PTPRN2: variants seen among roughly 807,000 people sequenced by gnomAD.
PTPRN2 encodes protein tyrosine phosphatase receptor type N2.
In PTPRN2, 74 loss-of-function variants were observed where a neutral mutation model predicts 118.8. That is an observed-to-expected ratio of 0.62 (90% CI 0.52 to 0.76). PTPRN2 has a LOEUF of 0.76. PTPRN2 is among the 30% of genes least tolerant of loss of function. The pLI is 0.00. For synonymous variants in PTPRN2, 641 were observed against 608.0 expected (o/e 1.05, Z -0.80); for missense variants, 1,481 against 1,394.4 (o/e 1.06, Z -0.99).
At chr7:158,071,305 A>T (rs1226156250) in intron 11 of PTPRN2, among the ~76,000 whole-genome samples, 3 of 82,956 alleles carry the variant, frequency 3.6e-5, no homozygotes, top group African/African-American at 5.4e-5. Flanking sequence ...CTCGTGGTGG[A>T]GGTGCCCATG....
intron 3 of PTPRN2, among the ~76,000 whole-genome samples, chr7:158,224,925 G>A (rs1341018434): frequency 6.6e-6 from 1 of 152,034 alleles, no homozygotes; most frequent in Non-Finnish European, 1.5e-5. Context: ...AAGACATTTC[G>A]ACAAAGAGGA....
intron 3 of PTPRN2, among the ~76,000 whole-genome samples, chr7:158,304,795 A>G (rs976233656): frequency 4.6e-5 from 7 of 152,184 alleles, no homozygotes; most frequent in Non-Finnish European, 8.8e-5. Context: ...TGCAGGCTTC[A>G]GAGAGAATAG....
At chr7:157,595,399 G>A (rs1801239568) in intron 16 of PTPRN2, 84 bp from the exon 17 acceptor site, 6 of 1,292,126 alleles carry the variant, frequency 4.6e-6, no homozygotes, top group Non-Finnish European at 6.6e-6. Flanking sequence ...TAGGAAGCCA[G>A]AAGGTTAGGA....
chr7:158,482,036 A>C (rs1416609246), intron 2 of PTPRN2, among the ~76,000 whole-genome samples: 1 of 152,222 alleles, frequency 6.6e-6, no homozygotes, highest in Non-Finnish European at 1.5e-5. Context: ...CAGCAAGGGA[A>C]CCAGCATTAG....
intron 2 of PTPRN2, among the ~76,000 whole-genome samples, chr7:158,474,864 G>A (rs1332969183): frequency 6.6e-6 from 1 of 152,216 alleles, no homozygotes; most frequent in African/African-American, 2.4e-5. Flanking sequence ...GCCGGGTGAT[G>A]CCACGGGGTG....
chr7:158,236,781 A>C, intron 3 of PTPRN2, among the ~76,000 whole-genome samples: 1 of 61,494 alleles, frequency 1.6e-5, no homozygotes, highest in Admixed American at 1.8e-4. Flanking sequence ...TCCCTGCCCG[A>C]CCACTCTGCT....
chr7:158,415,174 C>A (rs1563265108), intron 2 of PTPRN2, among the ~76,000 whole-genome samples: 1 of 152,228 alleles, frequency 6.6e-6, no homozygotes, highest in Non-Finnish European at 1.5e-5. Flanking sequence ...AACCACACCT[C>A]AACTCCCTGC....
At chr7:157,918,254 G>C (rs1167351266) in intron 11 of PTPRN2, among the ~76,000 whole-genome samples, 2 of 152,196 alleles carry the variant, frequency 1.3e-5, no homozygotes, top group Non-Finnish European at 2.9e-5. Flanking sequence ...TCTAAGACAA[G>C]GAAATTAGTA....
rs549464042 is a variant in PTPRN2, at chr7:158,141,836, A to C, written c.911-3321T>G. Among the ~76,000 whole-genome samples, 4 of 152,306 alleles carry C rather than the reference A, an allele frequency of 2.6e-5. No homozygotes were observed. The South Asian group carries it at 6.2e-4, about 24-fold the overall frequency. Reference sequence around the variant, plus strand: ...CCATGACAGGCATTTCTGAGACAGCATTATGTGTAGTTTAGCATGGGATGA... The same window carrying C: ...CCATGACAGGCATTTCTGAGACAGCCTTATGTGTAGTTTAGCATGGGATGA... On this transcript the variant is annotated intron_variant, in intron 6 of 22. Coordinates refer to ENST00000389418, the MANE Select transcript of PTPRN2 (RefSeq NM_002847.5).
intron 11 of PTPRN2, among the ~76,000 whole-genome samples, chr7:158,013,010 G>A (rs1256849421): frequency 2.0e-5 from 3 of 152,218 alleles, no homozygotes; most frequent in African/African-American, 7.2e-5. Flanking sequence ...AAAAGTTCAT[G>A]TGCCCATCCT....
chr7:157,707,737 T>C (rs1798406034), intron 12 of PTPRN2, among the ~76,000 whole-genome samples: 1 of 152,148 alleles, frequency 6.6e-6, no homozygotes, highest in Non-Finnish European at 1.5e-5. Context: ...ACAGTTGGGA[T>C]TACAGGCACG....
intron 3 of PTPRN2, among the ~76,000 whole-genome samples, chr7:158,257,115 C>T (rs540810924): frequency 3.3e-5 from 5 of 152,226 alleles, no homozygotes; most frequent in East Asian, 1.9e-4. Context: ...ATGAGGGACC[C>T]GGACAACCAG....
At chr7:158,441,708 T>G (rs1400370044) in intron 2 of PTPRN2, among the ~76,000 whole-genome samples, 1 of 147,078 alleles carries the variant, frequency 6.8e-6, no homozygotes, top group Non-Finnish European at 1.5e-5. Context: ...ATGGTGGCAG[T>G]GGTGGTGATG....
At chr7:158,533,587 G>A (rs1340693392) in intron 1 of PTPRN2, among the ~76,000 whole-genome samples, 2 of 152,184 alleles carry the variant, frequency 1.3e-5, no homozygotes, top group African/African-American at 4.8e-5. Context: ...TATCCCAGGG[G>A]CCAGAGGGGA....
chr7:158,587,606 C>A lies in PTPRN2; in HGVS notation c.64G>T (p.Ala22Ser). 7.4e-7 allele frequency: 1 copy of A among 1,359,842 alleles called. No individual in the cohort carries two copies. The highest frequency in any genetic ancestry group is 3.7e-5 in the Admixed American group (1 of 27,232). The allele number at this position is 1,359,842 out of a possible 1,614,324, so 84.2% of individuals were successfully genotyped here. The change falls in exon 1 of 23, where the codon GCC becomes TCC. Residue 22 changes from alanine (A) to serine (S), a missense_variant. Coordinates refer to ENST00000389418, the MANE Select transcript of PTPRN2 (RefSeq NM_002847.5). ...LLLLPPRVLP[A>S]APSSVPRGRQ... is the part of the protein sequence containing the mutation. ...CCGCGGGGGACGGACGAAGGGGCGGCAGGCAGGACGCGTGGCGGCAGCAGC... is the reference window on the plus strand; with the variant it reads ...CCGCGGGGGACGGACGAAGGGGCGGAAGGCAGGACGCGTGGCGGCAGCAGC...
intron 21 of PTPRN2, among the ~76,000 whole-genome samples, chr7:157,564,784 A>G (rs1799397519): frequency 6.6e-6 from 1 of 152,238 alleles, no homozygotes; most frequent in South Asian, 2.1e-4. Context: ...AAGAGATAAG[A>G]GAATTACGGT....
At chr7:158,496,234 C>T (rs1367909435) in intron 1 of PTPRN2, among the ~76,000 whole-genome samples, 2 of 144,836 alleles carry the variant, frequency 1.4e-5, no homozygotes, top group Non-Finnish European at 3.0e-5. Context: ...TTCAGCCTTC[C>T]CTCCCCTTCC....
At chr7:158,119,614 GGAGA>G (rs56827191) in intron 9 of PTPRN2, among the ~76,000 whole-genome samples, 24 of 147,174 alleles carry the variant, frequency 1.6e-4, no homozygotes, top group Non-Finnish European at 2.5e-4. Flanking sequence ...TTTGAAAGAG[GGAGA>G]GAGAGAGAGA....
At chr7:158,111,420 G>T (rs749824229) in intron 9 of PTPRN2, among the ~76,000 whole-genome samples, 1 of 152,168 alleles carries the variant, frequency 6.6e-6, no homozygotes, top group African/African-American at 2.4e-5. Context: ...CACTGTGGCC[G>T]CAGACTCCCC....
Sources: gnomAD v4.1 joint callset for allele counts (sites outside exome capture counted in the v4.1 genomes callset) on GRCh38, gnomAD v4.1.1 for gene constraint, MANE v1.5 for transcripts, NCBI Gene and HGNC (gene_info 2026-07-23, HGNC 2026-07-21) for gene names.